The following TRAF6 variants were observed in gnomAD, a reference collection of about 807,000 sequenced individuals.
The protein encoded by TRAF6 is TNF receptor-associated factor 6.
In TRAF6, 10 loss-of-function variants were observed where a neutral mutation model predicts 48.4. That is an observed-to-expected ratio of 0.21 (90% CI 0.13 to 0.35). The LOEUF (loss-of-function observed/expected upper bound fraction) is 0.35, where lower values mean the gene tolerates loss of function less well. Among genes scored for constraint, TRAF6 ranks in the 10% least tolerant of loss-of-function variants. The probability of loss-of-function intolerance (pLI) is 1.00; values close to 1 mark genes in which losing one functional copy is unlikely to be tolerated. For synonymous variants in TRAF6, 186 were observed against 219.6 expected, an observed-to-expected ratio of 0.85 and a Z score of 1.35; for missense variants, 397 against 661.0, an observed-to-expected ratio of 0.60 and a Z score of 4.38.
rs1673954623 is a variant in TRAF6 at position 36,484,653 on chromosome 11, C to G, written c.*5185G>C. On this transcript the variant is annotated 3_prime_UTR_variant, in exon 7 of 7. Transcript: ENST00000526995. ...AAGACAAAACTGATTGACCCATGGT[C>G]AGTCAGGAGAAAATGTGTCTTAGCT... 6.6e-6 allele frequency among the ~76,000 whole-genome samples: 1 copy of G among 152,114 alleles called. No homozygotes were observed. Among genetic ancestry groups the G allele is most frequent in the African/African-American group, 2.4e-5 (1 of 41,420 alleles).
chr11:36,505,524 G>A (rs1434799528), intron 1 of TRAF6, among the ~76,000 whole-genome samples: 1 of 152,170 alleles, frequency 6.6e-6, no homozygotes, highest in Non-Finnish European at 1.5e-5. Context: ...TTAAGGAAAT[G>A]TTGTGGCTAG....
chr11:36,498,421 A>T, intron 3 of TRAF6, 69 bp downstream of exon 3: 2 of 1,466,218 alleles, frequency 1.4e-6, no homozygotes, highest in South Asian at 2.7e-5. Flanking sequence ...AGATGGACAC[A>T]GCAAAGTCCC....
At chr11:36,497,328 C>T in intron 3 of TRAF6, 62 bp from the exon 4 acceptor site, 11 of 1,478,054 alleles carry the variant, frequency 7.4e-6, no homozygotes, top group Non-Finnish European at 1.0e-5. Flanking sequence ...CATATAAGCT[C>T]TCCTAATCAT....
Position 36,487,714 on chromosome 11 carries a change from CTTTT to C in TRAF6, c.*2120_*2123del, listed in dbSNP as rs888665393. 2 of 148,870 alleles carry C rather than the reference CTTTT, an allele frequency of 1.3e-5. No homozygotes were observed. The highest frequency in any genetic ancestry group is 2.5e-5 in the African/African-American group (1 of 40,468). The allele number at this position is 148,870 out of a possible 1,614,324, so 9.2% of individuals were successfully genotyped here. A position where few individuals can be genotyped will look rare whatever the true frequency, so the allele number is the denominator to read the frequency against. On this transcript the variant is annotated 3_prime_UTR_variant, in exon 7 of 7. Transcript: ENST00000526995. ...TAAAAGCTGAAATTAGGCAAAACAA[CTTTT>C]TTTTTTAATAAAGACTCTTGAGTTA...
rs1447912045 is a variant in TRAF6, at chr11:36,494,934, A to C, written c.678+42T>G. On this transcript the variant is annotated intron_variant, in intron 5 of 6. Transcript: ENST00000526995. Reference sequence around the variant, plus strand: ...ATTAAAAAACCTAATTCACTTCTTTAAGCTGTTTATGAAAATAATAATTTA... The same window carrying C: ...ATTAAAAAACCTAATTCACTTCTTTCAGCTGTTTATGAAAATAATAATTTA... The C allele has an allele frequency of 2.9e-6, 4 of 1,364,760 alleles. No homozygotes were observed. The African/African-American group carries it at 4.4e-5, about 15-fold the overall frequency. 84.5% of individuals were successfully genotyped at this position (1,364,760 alleles called of 1,614,324 possible).
At chr11:36,493,755 G>A (rs977254548) in intron 5 of TRAF6, among the ~76,000 whole-genome samples, 1 of 152,058 alleles carries the variant, frequency 6.6e-6, no homozygotes, top group African/African-American at 2.4e-5. Flanking sequence ...TCCTTTAAAT[G>A]TTAAAAGACA....
rs1859751934 is a variant in TRAF6, at chr11:36,503,939, C to T, written c.-22-2402G>A. Reference sequence around the variant, plus strand: ...AGCAAGTAATACAATTTTTTTGTTTCCCATACAAAGTTATGTTTACACTAT... The same window carrying T: ...AGCAAGTAATACAATTTTTTTGTTTTCCATACAAAGTTATGTTTACACTAT... On this transcript the variant is annotated intron_variant, in intron 1 of 6. Coordinates refer to ENST00000526995, the MANE Select transcript of TRAF6 (RefSeq NM_004620.4). Among the ~76,000 whole-genome samples, 3 of 151,990 alleles carry T rather than the reference C, an allele frequency of 2.0e-5. No individual in the cohort carries two copies. In the South Asian group the frequency reaches 6.2e-4, roughly 31 times the overall value.
chr11:36,494,139 T>A (rs531480707), intron 5 of TRAF6, among the ~76,000 whole-genome samples: 7 of 152,180 alleles, frequency 4.6e-5, no homozygotes, highest in Non-Finnish European at 1.0e-4. Context: ...CTAAAGCAGG[T>A]AGATTGCTTG....
chr11:36,503,092 C>T (rs891865402), intron 1 of TRAF6, among the ~76,000 whole-genome samples: 13 of 152,170 alleles, frequency 8.5e-5, no homozygotes, highest in Non-Finnish European at 1.5e-4. Flanking sequence ...GACCTTGGAG[C>T]TTTGCACTTT....
At chr11:36,501,989 C>T (rs774261800) in intron 1 of TRAF6, among the ~76,000 whole-genome samples, 4 of 152,176 alleles carry the variant, frequency 2.6e-5, no homozygotes, top group Non-Finnish European at 5.9e-5. Flanking sequence ...CACTAAGCAT[C>T]GCTAAAGAAC....
At chr11:36,508,064 C>T (rs540852811) in intron 1 of TRAF6, among the ~76,000 whole-genome samples, 1 of 151,784 alleles carries the variant, frequency 6.6e-6, no homozygotes, top group South Asian at 2.1e-4. Context: ...GCCATATTGC[C>T]CAGGCTGGTC....
In TRAF6 at chr11:36,492,706, T is replaced by C. The variant is rs190216443; in HGVS notation, c.679-78A>G. 2 of 1,099,158 alleles carry C rather than the reference T, an allele frequency of 1.8e-6. 1 individual carries two copies. Among genetic ancestry groups the C allele is most frequent in the African/African-American group, 3.2e-5 (2 of 63,322 alleles). The allele number at this position is 1,099,158 out of a possible 1,614,324, so 68.1% of individuals were successfully genotyped here. On this transcript the variant is annotated intron_variant, in intron 5 of 6. Transcript: ENST00000526995. ...GTTTGATGCGATCACATTTAAACTG[T>C]ATTGTCAATGGCTGCTTTGTACCAC... is the stretch of plus-strand genomic sequence containing the variant.
chr11:36,499,045 C>T (rs1404246564), intron 2 of TRAF6, among the ~76,000 whole-genome samples: 3 of 152,190 alleles, frequency 2.0e-5, no homozygotes, highest in African/African-American at 7.2e-5. Context: ...GTACCAATAA[C>T]ATGTCTATAA....
Position 36,486,947 on chromosome 11 carries a change from TG to T in TRAF6, c.*2890del, listed in dbSNP as rs1278792088. The T allele has an allele frequency of 6.6e-6, 1 of 151,998 alleles. No individual in the cohort carries two copies. Among genetic ancestry groups the T allele is most frequent in the Non-Finnish European group, 1.5e-5 (1 of 68,104 alleles). The allele number at this position is 151,998 out of a possible 1,614,324, so 9.4% of individuals were successfully genotyped here. A position where few individuals can be genotyped will look rare whatever the true frequency, so the allele number is the denominator to read the frequency against. Reference sequence around the variant, plus strand: ...CTACTCAAAATACAAAAAAATTAGCTGGGCGTGGTGGCGGGTGCCTGTAATC... The same window carrying T: ...CTACTCAAAATACAAAAAAATTAGCTGGCGTGGTGGCGGGTGCCTGTAATC... On this transcript the variant is annotated 3_prime_UTR_variant, in exon 7 of 7. Coordinates refer to ENST00000526995, the MANE Select transcript of TRAF6 (RefSeq NM_004620.4).
At position 36,484,552 on chromosome 11, in the gene TRAF6, A is replaced by G. The variant is rs1175586456; in HGVS notation, c.*5286T>C. Among the ~76,000 whole-genome samples, 2 of 152,214 alleles carry G rather than the reference A, an allele frequency of 1.3e-5. No individual in the cohort carries two copies. The highest frequency in any genetic ancestry group is 2.9e-5 in the Non-Finnish European group (2 of 68,038). ...ACAGTGTCTTTCTTAATAGAGTCATACATTAATGAATGTTACCCATTATTT... is the reference window on the plus strand; with the variant it reads ...ACAGTGTCTTTCTTAATAGAGTCATGCATTAATGAATGTTACCCATTATTT... On this transcript the variant is annotated 3_prime_UTR_variant, in exon 7 of 7. Coordinates refer to ENST00000526995, the MANE Select transcript of TRAF6 (RefSeq NM_004620.4).
At chr11:36,492,666 G>A in intron 5 of TRAF6, 38 bp from the exon 6 acceptor site, 1 of 1,472,040 alleles carries the variant, frequency 6.8e-7, no homozygotes, top group South Asian at 1.2e-5. Context: ...TCTCTTCCTT[G>A]CATATCATTT....
intron 5 of TRAF6, among the ~76,000 whole-genome samples, chr11:36,493,686 C>G (rs1486604476): frequency 6.6e-6 from 1 of 152,188 alleles, no homozygotes; most frequent in African/African-American, 2.4e-5. Flanking sequence ...TTTTCTGACT[C>G]TTAGCCTAGG....
intron 6 of TRAF6, among the ~76,000 whole-genome samples, chr11:36,491,120 G>A (rs1859557112): frequency 6.6e-6 from 1 of 150,614 alleles, no homozygotes; most frequent in South Asian, 2.1e-4. Context: ...TCTCTGAAGA[G>A]CTTTTGTCTC....
rs1342978071 is a variant in TRAF6 at position 36,490,383 on chromosome 11, C to G, written c.1024G>C (p.Ala342Pro). ...RTIRTLEDKV[A>P]EIEAQQCNGI... ...TTGCACTGCTGTGCTTCGATTTCAG[C>G]AACTTTGTCCTCAAGGGTTCGAATG... The change falls in exon 7 of 7, where the codon GCT (alanine) becomes CCT (proline). Residue 342 changes from alanine (A) to proline (P), a missense_variant. By Grantham distance (27) the Ala-to-Pro change is conservative. Around this residue, in one of 4 missense-constraint regions of TRAF6, gnomAD observed 245 missense variants for 349.1 expected, o/e 0.70. Transcript: ENST00000526995. This position sits in a 1 kb window ranked among gnomAD's most constrained non-coding sequence, Gnocchi z 6.4. 2 of 1,614,176 alleles carry G rather than the reference C, an allele frequency of 1.2e-6. No homozygotes were observed. Among genetic ancestry groups the G allele is most frequent in the Admixed American group, 3.3e-5 (2 of 60,026 alleles).
Sources: gnomAD v4.1 joint callset for allele counts (sites outside exome capture counted in the v4.1 genomes callset) on GRCh38, gnomAD v4.1.1 for gene constraint, gnomAD v4.1.1 regional missense constraint, Gnocchi (gnomAD v3.1) non-coding constraint, MANE v1.5 for transcripts, NCBI Gene and HGNC (gene_info 2026-07-23, HGNC 2026-07-21) for gene names.